The following URGCP variants were observed in gnomAD, a reference collection of about 807,000 sequenced individuals.
URGCP encodes up-regulator of cell proliferation.
Under a neutral mutation model 24.6 loss-of-function variants are expected in URGCP, and 13 were observed. The observed-to-expected ratio is 0.53, with a 90% CI of 0.34 to 0.84. URGCP has a LOEUF of 0.84. Ranked by LOEUF, URGCP falls within the 40% of genes least tolerant of loss-of-function variation. The probability of loss-of-function intolerance (pLI) is 0.01; values close to 1 mark genes in which losing one functional copy is unlikely to be tolerated. For missense variants in URGCP, 899 were observed against 1,194.3 expected (o/e 0.75, Z 3.64); for synonymous variants, 444 against 487.2 (o/e 0.91, Z 1.17).
chr7:43,911,905 A>G (rs2095910552), intron 1 of URGCP, among the ~76,000 whole-genome samples: 1 of 152,200 alleles, frequency 6.6e-6, no homozygotes, highest in South Asian at 2.1e-4. Flanking sequence ...TAGACCTCAC[A>G]ACAGGAAGAA....
chr7:43,902,428 T>C (rs1279498411), intron 1 of URGCP, among the ~76,000 whole-genome samples: 2 of 152,204 alleles, frequency 1.3e-5, no homozygotes, highest in Admixed American at 1.3e-4. Context: ...ACCCATTCTG[T>C]GTCCGAGCTC....
chr7:43,910,847 C>T (rs899024319), upstream of URGCP: 3 of 152,046 alleles, frequency 2.0e-5, no homozygotes, highest in African/African-American at 7.2e-5. Flanking sequence ...CACAGCAAGA[C>T]TCTTTCTCAT....
At chr7:43,923,911 C>T (rs1198785687) in intron 1 of URGCP, among the ~76,000 whole-genome samples, 1 of 151,882 alleles carries the variant, frequency 6.6e-6, no homozygotes, top group Non-Finnish European at 1.5e-5. Flanking sequence ...TCGCTGTTGC[C>T]CAGGTTGAAG....
intron 5 of URGCP, 68 bp downstream of exon 5, chr7:43,881,591 G>A: frequency 1.2e-6 from 2 of 1,609,286 alleles, no homozygotes; most frequent in South Asian, 1.1e-5. Flanking sequence ...AGTCAGGTGT[G>A]GGAACTGCTG....
intron 1 of URGCP, chr7:43,919,511 T>C (rs1416355767): frequency 2.4e-6 from 3 of 1,262,018 alleles, no homozygotes; most frequent in Non-Finnish European, 3.5e-6. Flanking sequence ...TTCTCATGAC[T>C]GGCTACACCC....
At chr7:43,890,498 G>A (rs2095869152) in intron 1 of URGCP, among the ~76,000 whole-genome samples, 1 of 152,136 alleles carries the variant, frequency 6.6e-6, no homozygotes, top group Non-Finnish European at 1.5e-5. Flanking sequence ...TTACAGACGT[G>A]AACCACCGCG....
chr7:43,906,601 C>A, upstream of URGCP: 1 of 1,213,312 alleles, frequency 8.2e-7, no homozygotes, highest in Non-Finnish European at 1.0e-6. Flanking sequence ...TCCGCTCCCG[C>A]CTCCTTCGCT....
intron 1 of URGCP, among the ~76,000 whole-genome samples, chr7:43,914,048 G>A (rs1432495587): frequency 6.6e-6 from 1 of 152,170 alleles, no homozygotes; most frequent in East Asian, 1.9e-4. Flanking sequence ...CACTCAGGCT[G>A]GAGTGCAGTG....
At position 43,877,134 on chromosome 7, in the gene URGCP, G is replaced by T; in HGVS notation, c.2329C>A (p.Leu777Met). The T allele has an allele frequency of 6.2e-7, 1 of 1,614,166 alleles. No individual in the cohort carries two copies. The stretch of plus-strand genomic sequence containing the variant: ...GTGACATTGCTCAGTCCCATGAGCA[G>T]AGTGGCCAAGGAAGCCTCCAGCTCA... ...RFELEASLAT[L>M]LMGLSNVTVI... The change falls in exon 6 of 6, where the codon CTG becomes ATG. Residue 777 changes from leucine (L) to methionine (M), a missense_variant. Coordinates refer to ENST00000453200, the MANE Select transcript of URGCP (RefSeq NM_001077663.3).
intron 3 of URGCP, among the ~76,000 whole-genome samples, chr7:43,886,728 G>T (rs2095862777): frequency 6.6e-6 from 1 of 151,924 alleles, no homozygotes; most frequent in South Asian, 2.1e-4. Context: ...ATTCCAGCCT[G>T]GGCAATAAAG....
chr7:43,907,500 ATTAAAG>A (rs1258268513), upstream of URGCP, among the ~76,000 whole-genome samples: 3 of 152,114 alleles, frequency 2.0e-5, no homozygotes, highest in South Asian at 4.2e-4. Context: ...TAAAAATAAA[ATTAAAG>A]TTAAAAGTAA....
chr7:43,911,974 C>G (rs1194777101), intron 1 of URGCP, among the ~76,000 whole-genome samples: 2 of 147,384 alleles, frequency 1.4e-5, no homozygotes, highest in African/African-American at 5.0e-5. Context: ...ACCAATGGAC[C>G]AAAAGAAAAA....
intron 1 of URGCP, chr7:43,919,271 C>A: frequency 1.2e-6 from 1 of 821,658 alleles, no homozygotes; most frequent in Non-Finnish European, 2.2e-6. Flanking sequence ...TCCTCACACT[C>A]AAGAGGCTGA....
At chr7:43,913,197 T>C (rs535079708) in intron 1 of URGCP, among the ~76,000 whole-genome samples, 2 of 151,868 alleles carry the variant, frequency 1.3e-5, no homozygotes, top group South Asian at 2.1e-4. Context: ...AGATTCTTGG[T>C]TGACAGTTTT....
chr7:43,914,838 T>C (rs185081292), intron 1 of URGCP, among the ~76,000 whole-genome samples: 2 of 152,146 alleles, frequency 1.3e-5, no homozygotes, highest in African/African-American at 4.8e-5. Context: ...CTGATACTAC[T>C]GATAGAGATA....
At chr7:43,924,710 G>C (rs1010630280) in intron 1 of URGCP, among the ~76,000 whole-genome samples, 3 of 152,232 alleles carry the variant, frequency 2.0e-5, no homozygotes, top group African/African-American at 7.2e-5. Flanking sequence ...CTGTGGTGAT[G>C]GAAACACTTG....
At chr7:43,899,653 T>C (rs974948328) in intron 1 of URGCP, among the ~76,000 whole-genome samples, 2 of 152,138 alleles carry the variant, frequency 1.3e-5, no homozygotes, top group Non-Finnish European at 2.9e-5. Flanking sequence ...ATCCCAGAAA[T>C]AGGTCCAAAT....
intron 2 of URGCP, 37 bp downstream of exon 2, chr7:43,887,753 A>C: frequency 6.5e-7 from 1 of 1,548,662 alleles, no homozygotes; most frequent in Non-Finnish European, 8.7e-7. Flanking sequence ...CCAGAGCACA[A>C]ATACAGTCAT....
chr7:43,914,640 C>G (rs114417031), intron 1 of URGCP, among the ~76,000 whole-genome samples: 2,566 of 152,314 alleles, frequency 0.017, 72 homozygotes, highest in African/African-American at 0.058. Flanking sequence ...CTGAGACCTA[C>G]TGGACTGCAT....
Sources: allele counts gnomAD v4.1 joint callset (sites outside exome capture counted in the v4.1 genomes callset), GRCh38; gene constraint gnomAD v4.1.1; transcripts MANE v1.5; gene names NCBI Gene and HGNC (gene_info 2026-07-23, HGNC 2026-07-21).